KDSR: variants seen among roughly 807,000 people sequenced by gnomAD.
KDSR encodes 3-ketodihydrosphingosine reductase.
Under a neutral mutation model 41.3 loss-of-function variants are expected in KDSR, and 23 were observed. The observed-to-expected ratio is 0.56, with a 90% CI of 0.40 to 0.79. KDSR has a LOEUF of 0.79. Ranked by LOEUF, KDSR falls within the 30% of genes least tolerant of loss-of-function variation. The pLI, the probability that KDSR is intolerant of heterozygous loss-of-function variation, is 0.00. For missense variants in KDSR, 351 were observed against 416.8 expected (o/e 0.84, Z 1.37); for synonymous variants, 138 against 151.7 (o/e 0.91, Z 0.66).
In KDSR at chr18:63,331,071, G is replaced by GA. The variant is rs1913969246; in HGVS notation, c.*710dup. ...CAAGAAAGCATTGCTTTTCCTACTG[G>GA]AAAATATCTCTTTACTTCCCATTGC... On this transcript the variant is annotated 3_prime_UTR_variant, in exon 10 of 10. Transcript: ENST00000645214. The GA allele has an allele frequency of 4.3e-6, 1 of 232,854 alleles. No individual in the cohort carries two copies. The highest frequency in any genetic ancestry group is 5.6e-5 in the Admixed American group (1 of 17,752). The allele number at this position is 232,854 out of a possible 1,614,324, so 14.4% of individuals were successfully genotyped here.
Position 63,331,723 on chromosome 18 carries a change from A to G in KDSR, c.*59T>C, listed in dbSNP as rs1568273923. ...GTCTATAGGCCAAAAATTGGGTCCCATTTAGCAGCAAGCTGTTCAAATTAT... is the reference window on the plus strand; with the variant it reads ...GTCTATAGGCCAAAAATTGGGTCCCGTTTAGCAGCAAGCTGTTCAAATTAT... On this transcript the variant is annotated 3_prime_UTR_variant, in exon 10 of 10. Transcript: ENST00000645214. 2.5e-6 allele frequency: 4 copies of G among 1,583,372 alleles called. No homozygotes were observed. Among genetic ancestry groups the G allele is most frequent in the East Asian group, 4.5e-5 (2 of 44,630 alleles).
chr18:63,353,757 C>A (rs1053803548), intron 5 of KDSR, among the ~76,000 whole-genome samples: 1 of 152,142 alleles, frequency 6.6e-6, no homozygotes, highest in Admixed American at 6.5e-5. Flanking sequence ...TGATTCCAAT[C>A]ATACGAAATG....
In KDSR at chr18:63,367,026, G is replaced by A. The variant is rs775523277; in HGVS notation, c.93C>T (p.Pro31=). Residue 31 remains proline (P), a synonymous_variant, in exon 1 of 10, where the codon CCC becomes CCT. Coordinates refer to ENST00000645214, the MANE Select transcript of KDSR (RefSeq NM_002035.4). ...GGCCACTCACCACCACATGCGCCCC[G>A]GGCAGGGCGAGGGGCTTGGGGCTGA... ...PLISPKPLAL[P]GAHVVVTGGS... 7 of 1,314,592 alleles carry A rather than the reference G, an allele frequency of 5.3e-6. No individual in the cohort carries two copies. The Admixed American group carries it at 1.2e-4, about 23-fold the overall frequency. 81.4% of individuals were successfully genotyped at this position (1,314,592 alleles called of 1,614,324 possible). A position where few individuals can be genotyped will look rare whatever the true frequency, so the allele number is the denominator to read the frequency against.
At chr18:63,334,757 A>G (rs1914107658) in intron 9 of KDSR, among the ~76,000 whole-genome samples, 1 of 152,204 alleles carries the variant, frequency 6.6e-6, no homozygotes, top group Non-Finnish European at 1.5e-5. Context: ...CTAGCACACC[A>G]ATGAAACACT....
At position 63,362,881 on chromosome 18, in the gene KDSR, CATAAA is replaced by C; in HGVS notation, c.109-18_109-14del. The C allele has an allele frequency of 6.3e-7, 1 of 1,585,242 alleles. No individual in the cohort carries two copies. Among genetic ancestry groups the C allele is most frequent in the Non-Finnish European group, 8.7e-7 (1 of 1,154,982 alleles). On this transcript the variant is annotated splice_polypyrimidine_tract_variant and intron_variant, in intron 1 of 9. Transcript: ENST00000645214. The stretch of plus-strand genomic sequence containing the variant: ...AACCTCCTGTAACCTAAAACAAAAT[CATAAA>C]ATATTCTTAGCACTTGAAATCTCCC...
chr18:63,358,394 C>T (rs1914864642), intron 3 of KDSR, among the ~76,000 whole-genome samples: 2 of 152,034 alleles, frequency 1.3e-5, no homozygotes, highest in South Asian at 2.1e-4. Context: ...ATGACAGTTG[C>T]ACAACTCTAT....
At chr18:63,335,190 G>A in intron 9 of KDSR, 67 bp downstream of exon 9, 3 of 1,001,244 alleles carry the variant, frequency 3.0e-6, no homozygotes, top group Non-Finnish European at 4.7e-6. Context: ...TCTCATCAAG[G>A]TTTGATGAAA....
At position 63,367,083 on chromosome 18, in the gene KDSR, G is replaced by A. The variant is rs758805319; in HGVS notation, c.36C>T (p.Phe12=). 1 of 1,336,104 alleles carries A rather than the reference G, an allele frequency of 7.5e-7. No individual in the cohort carries two copies. The highest frequency in any genetic ancestry group is 3.0e-5 in the Admixed American group (1 of 33,804). The allele number at this position is 1,336,104 out of a possible 1,614,324, so 82.8% of individuals were successfully genotyped here. A position where few individuals can be genotyped will look rare whatever the true frequency, so the allele number is the denominator to read the frequency against. The part of the protein sequence containing the change: ...LLLAAAFLVA[F]VLLLYMVSPL... The stretch of plus-strand genomic sequence containing the variant: ...GAGACACCATGTACAGCAGCAGCAC[G>A]AAGGCCACGAGGAAGGCGGCAGCCA... Residue 12 remains phenylalanine, a synonymous_variant, in exon 1 of 10, where the codon TTC becomes TTT. Coordinates refer to ENST00000645214, the MANE Select transcript of KDSR (RefSeq NM_002035.4).
intron 3 of KDSR, among the ~76,000 whole-genome samples, chr18:63,358,814 C>CAAAAAAAAAA (rs10652370): frequency 1.6e-5 from 1 of 62,646 alleles, no homozygotes; most frequent in Non-Finnish European, 2.8e-5. Flanking sequence ...GACTCTGTCT[C>CAAAAAAAAAA]AAAAAAAAAA....
chr18:63,359,872 A>G (rs2144377470), intron 2 of KDSR, 80 bp from the exon 3 acceptor site: 1 of 932,500 alleles, frequency 1.1e-6, no homozygotes, highest in Non-Finnish European at 1.8e-6. Context: ...AAAAAAAGCA[A>G]TTATTTCTAT....
chr18:63,352,218 T>G (rs1325270699), intron 5 of KDSR, among the ~76,000 whole-genome samples: 3 of 152,172 alleles, frequency 2.0e-5, no homozygotes, highest in Admixed American at 6.5e-5. Context: ...TTGTGGAACT[T>G]GAGATCAATC....
At chr18:63,348,478 A>G (rs1186224507) in intron 6 of KDSR, among the ~76,000 whole-genome samples, 2 of 152,230 alleles carry the variant, frequency 1.3e-5, no homozygotes, top group East Asian at 1.9e-4. Flanking sequence ...AAGTTCTACT[A>G]CGAACAAACT....
intron 1 of KDSR, among the ~76,000 whole-genome samples, chr18:63,364,851 G>C (rs970175044): frequency 3.9e-5 from 6 of 152,270 alleles, no homozygotes; most frequent in African/African-American, 1.2e-4. Flanking sequence ...AAAACGAAAA[G>C]GTTTCACAAT....
Position 63,333,842 on chromosome 18 carries a change from C to G in KDSR, c.879+1415G>C, listed in dbSNP as rs190542765. Among the ~76,000 whole-genome samples the G allele has an allele frequency of 5.3e-5, 8 of 152,280 alleles. No homozygotes were observed. In the East Asian group the frequency reaches 1.3e-3, roughly 26 times the overall value. ...CCTGCTGCGGCAACCCAGGCCTGGG[C>G]TCCAGAAGCACTGCCAGAATTGCAG... is the stretch of plus-strand genomic sequence containing the variant. On this transcript the variant is annotated intron_variant, in intron 9 of 9. Coordinates refer to ENST00000645214, the MANE Select transcript of KDSR (RefSeq NM_002035.4).
At chr18:63,332,079 G>A (rs757393104) in intron 9 of KDSR, among the ~76,000 whole-genome samples, 178 bp from the exon 10 acceptor site, 20 of 152,178 alleles carry the variant, frequency 1.3e-4, no homozygotes, top group South Asian at 6.2e-4. Flanking sequence ...GCTCTGCACC[G>A]CTGGACAGCC....
chr18:63,337,132 A>ATATATG (rs1322309871), intron 8 of KDSR, among the ~76,000 whole-genome samples: 6 of 142,290 alleles, frequency 4.2e-5, no homozygotes, highest in South Asian at 2.2e-4. Flanking sequence ...ATATATATAT[A>ATATATG]TATATGGAGT....
In KDSR at chr18:63,361,017, A is replaced by AT. The variant is rs761703297; in HGVS notation, c.199-1226_199-1225insA. Among the ~76,000 whole-genome samples, 231 of 106,832 alleles carry AT rather than the reference A, an allele frequency of 2.2e-3. 6 individuals carry two copies. The highest frequency in any genetic ancestry group is 8.7e-3 in the African/African-American group (208 of 23,792). The allele number at this position is 106,832 out of a possible 152,430, so 70.1% of individuals were successfully genotyped here. On this transcript the variant is annotated intron_variant, in intron 2 of 9. Coordinates refer to ENST00000645214, the MANE Select transcript of KDSR (RefSeq NM_002035.4). ...TAAAAAAAAAATATATATATATATAAAATATATAATATATATAATAAAAAT... is the reference window on the plus strand; with the variant it reads ...TAAAAAAAAAATATATATATATATAATAATATATAATATATATAATAAAAAT...
At chr18:63,359,588 G>A (rs1599338215) in intron 3 of KDSR, 148 bp downstream of exon 3, 1 of 608,794 alleles carries the variant, frequency 1.6e-6, no homozygotes, top group East Asian at 2.8e-5. Context: ...GATATTCTGA[G>A]TTACTAGACC....
intron 6 of KDSR, among the ~76,000 whole-genome samples, chr18:63,349,244 A>G (rs1040679749): frequency 6.6e-6 from 1 of 152,100 alleles, no homozygotes; most frequent in African/African-American, 2.4e-5. Flanking sequence ...TTAGCCAGGC[A>G]TGGTAGTGTG....
Sources: allele counts gnomAD v4.1 joint callset (sites outside exome capture counted in the v4.1 genomes callset), GRCh38; gene constraint gnomAD v4.1.1; transcripts MANE v1.5; gene names NCBI Gene and HGNC (gene_info 2026-07-23, HGNC 2026-07-21).